Variants in DYNC2H1 observed in about 807,000 individuals in gnomAD.
DYNC2H1 encodes the protein cytoplasmic dynein 2 heavy chain 1.
A neutral mutation model predicts 570.0 loss-of-function variants in DYNC2H1; 410 were observed. That is an observed-to-expected ratio of 0.72 (90% CI 0.66 to 0.78). The LOEUF is 0.78. Ranked by LOEUF, DYNC2H1 falls within the 30% of genes least tolerant of loss-of-function variation. The pLI, the probability that DYNC2H1 is intolerant of heterozygous loss-of-function variation, is 0.00. For synonymous variants in DYNC2H1, 1,688 were observed against 1,677.6 expected, an observed-to-expected ratio of 1.01 and a Z score of -0.15; for missense variants, 4,865 against 5,046.4, an observed-to-expected ratio of 0.96 and a Z score of 1.09.
At chr11:103,113,120 A>G (rs966794466) in intron 1 of DYNC2H1, among the ~76,000 whole-genome samples, 18 of 152,174 alleles carry the variant, frequency 1.2e-4, no homozygotes, top group African/African-American at 3.6e-4. Context: ...GTAATTAATT[A>G]CATTTTGTTA....
intron 82 of DYNC2H1, among the ~76,000 whole-genome samples, chr11:103,339,643 C>T (rs1939340372): frequency 6.6e-6 from 1 of 151,984 alleles, no homozygotes; most frequent in African/African-American, 2.4e-5. Context: ...GGGGGAGAGG[C>T]GATGCATGTA....
rs941214173 is a variant in DYNC2H1 at position 103,241,116 on chromosome 11, A to G, written c.9820-2577A>G. Among the ~76,000 whole-genome samples the G allele has an allele frequency of 5.9e-5, 9 of 152,128 alleles. No individual in the cohort carries two copies. Among genetic ancestry groups the G allele is most frequent in the African/African-American group, 1.9e-4 (8 of 41,430 alleles). ...CTGTTTTCTAGCCATAACTTCACCT[A>G]TCATCCTTCAGTAGCAACTTGTGCA... On this transcript the variant is annotated intron_variant, in intron 63 of 88. Coordinates refer to ENST00000375735, the MANE Select transcript of DYNC2H1 (RefSeq NM_001377.3). This position sits in a 1 kb window ranked among gnomAD's most constrained non-coding sequence, Gnocchi z 5.1.
intron 87 of DYNC2H1, among the ~76,000 whole-genome samples, chr11:103,459,825 G>T (rs35317016): frequency 1.3e-5 from 2 of 150,962 alleles, no homozygotes; most frequent in Admixed American, 1.3e-4. Flanking sequence ...GGTGGCGGGC[G>T]CCTGTAGTCC....
chr11:103,219,061 A>C (rs1461548420), intron 55 of DYNC2H1, among the ~76,000 whole-genome samples: 1 of 152,176 alleles, frequency 6.6e-6, no homozygotes, highest in Non-Finnish European at 1.5e-5. Context: ...GGGCTGTTTA[A>C]GTGTTTAATA....
At chr11:103,127,389 A>G (rs1859055160) in intron 12 of DYNC2H1, among the ~76,000 whole-genome samples, 1 of 152,194 alleles carries the variant, frequency 6.6e-6, no homozygotes, top group Admixed American at 6.5e-5. Flanking sequence ...AGATAGCAGT[A>G]TGGCTAGATT....
In DYNC2H1 at chr11:103,177,671, G is replaced by A. The variant is rs1456096013; in HGVS notation, c.5990G>A (p.Cys1997Tyr). The change falls in exon 38 of 89, where the codon TGT (cysteine) becomes TAT (tyrosine). Residue 1997 changes from cysteine to tyrosine, a missense_variant. By Grantham distance (194) the Cys-to-Tyr change is radical. Around this residue, in one of 5 missense-constraint regions of DYNC2H1, gnomAD observed 231 missense variants for 310.3 expected, o/e 0.74. Transcript: ENST00000375735. The surrounding 1 kb of genome is among the most constrained non-coding windows in gnomAD (Gnocchi z 4.4). The part of the protein sequence containing the change: ...TLWRMLRAAL[C>Y]KTGKVVKQYT... ...TGGAGAATGTTAAGGGCTGCGCTTT[G>A]TAAAACTGGCAAAGTAGTGAAACAA... 1.2e-6 allele frequency: 2 copies of A among 1,613,284 alleles called. No homozygotes were observed. Among genetic ancestry groups the A allele is most frequent in the South Asian group, 1.1e-5 (1 of 90,960 alleles).
Position 103,156,684 on chromosome 11 carries a change from A to G in DYNC2H1, c.4041A>G (p.Arg1347=), listed in dbSNP as rs751691693. 1.9e-6 allele frequency: 3 copies of G among 1,613,248 alleles called. No individual in the cohort carries two copies. The highest frequency in any genetic ancestry group is 2.2e-5 in the East Asian group (1 of 44,864). ...TGCAGAATTTAAATCATATTCAGAGAAAGTGGGTGTATTTGGAACCCATTT... is the reference window on the plus strand; with the variant it reads ...TGCAGAATTTAAATCATATTCAGAGGAAGTGGGTGTATTTGGAACCCATTT... The part of the protein sequence containing the change: ...EYLQNLNHIQ[R]KWVYLEPIFG... Residue 1347 remains arginine, a synonymous_variant, in exon 26 of 89, where the codon AGA becomes AGG. Coordinates refer to ENST00000375735, the MANE Select transcript of DYNC2H1 (RefSeq NM_001377.3).
chr11:103,382,532 T>A (rs1432722489), intron 83 of DYNC2H1, among the ~76,000 whole-genome samples: 1 of 152,224 alleles, frequency 6.6e-6, no homozygotes, highest in African/African-American at 2.4e-5. Flanking sequence ...CCAATTTTAT[T>A]TCCTATTAAT....
At chr11:103,405,371 T>C (rs1037270237) in intron 84 of DYNC2H1, 1 of 151,882 alleles carries the variant, frequency 6.6e-6, no homozygotes, top group African/African-American at 2.4e-5. Context: ...GCTCCTAAAA[T>C]AGAAGAAACA....
intron 81 of DYNC2H1, among the ~76,000 whole-genome samples, chr11:103,323,647 C>T (rs973676019): frequency 6.6e-6 from 1 of 151,828 alleles, no homozygotes; most frequent in Non-Finnish European, 1.5e-5. Context: ...TTCGGAGTCC[C>T]TTTGTATGTG....
At chr11:103,271,475 C>A (rs1865707274) in intron 70 of DYNC2H1, among the ~76,000 whole-genome samples, 1 of 152,094 alleles carries the variant, frequency 6.6e-6, no homozygotes, top group East Asian at 1.9e-4. Flanking sequence ...TTCTTTTATA[C>A]TTTTCATTGA....
At chr11:103,231,032 C>A (rs1357099492) in intron 59 of DYNC2H1, among the ~76,000 whole-genome samples, 1 of 152,102 alleles carries the variant, frequency 6.6e-6, no homozygotes, top group Non-Finnish European at 1.5e-5. Context: ...CAGAAATTTA[C>A]ACGTATGAGT....
At position 103,283,059 on chromosome 11, in the gene DYNC2H1, C is replaced by T. The variant is rs117178504; in HGVS notation, c.10864C>T (p.Arg3622Ter). 5.6e-6 allele frequency: 9 copies of T among 1,607,420 alleles called. No individual in the cohort carries two copies. Among genetic ancestry groups the T allele is most frequent in the African/African-American group, 1.3e-5 (1 of 74,760 alleles). Residue 3622 changes from arginine (R) to a stop codon, truncating the protein, a stop_gained, in exon 73 of 89, where the codon CGA (arginine) becomes TGA (stop). Coordinates refer to ENST00000375735, the MANE Select transcript of DYNC2H1 (RefSeq NM_001377.3). LOFTEE classifies it high-confidence loss of function. ...DQLPSWIDQE[R>*]SWAVATLKIA... Reference sequence around the variant, plus strand: ...GCTTCCGTCTTGGATAGATCAGGAACGAAGCTGGGCCGTGGCAACATTAAA... The same window carrying T: ...GCTTCCGTCTTGGATAGATCAGGAATGAAGCTGGGCCGTGGCAACATTAAA...
chr11:103,267,149 C>T (rs1364715524), intron 70 of DYNC2H1, among the ~76,000 whole-genome samples: 2 of 151,954 alleles, frequency 1.3e-5, no homozygotes, highest in African/African-American at 4.8e-5. Flanking sequence ...TGCATCTTGC[C>T]GGTTCAACTC....
intron 63 of DYNC2H1, among the ~76,000 whole-genome samples, chr11:103,237,682 T>G (rs1297440278): frequency 1.3e-5 from 2 of 152,002 alleles, no homozygotes; most frequent in Middle Eastern, 3.2e-3. Context: ...CCCTAAGGTT[T>G]CATAGCCACA....
intron 13 of DYNC2H1, among the ~76,000 whole-genome samples, chr11:103,132,945 A>C (rs1859352268): frequency 6.6e-6 from 1 of 152,034 alleles, no homozygotes; most frequent in African/African-American, 2.4e-5. Context: ...GTGGGAGCTC[A>C]GCTCCTTGTT....
Position 103,397,759 on chromosome 11 carries a change from G to A in DYNC2H1, c.12157-1904G>A, listed in dbSNP as rs1220185544. ...AAAATACAAAAATTAGCTGGGTGTG[G>A]TGATGGGTGCCTGTATTCCTAGCTA... is the stretch of plus-strand genomic sequence containing the variant. On this transcript the variant is annotated intron_variant, in intron 83 of 88. Transcript: ENST00000375735. 3.9e-5 allele frequency among the ~76,000 whole-genome samples: 6 copies of A among 152,262 alleles called. No homozygotes were observed. The South Asian group carries it at 1.2e-3, about 32-fold the overall frequency.
rs1176727639 is a variant in DYNC2H1, at chr11:103,446,341, GT to G, written c.12457-8844del. Among the ~76,000 whole-genome samples, 17 of 152,238 alleles carry G rather than the reference GT, an allele frequency of 1.1e-4. 1 individual carries two copies. Among genetic ancestry groups the G allele is most frequent in the African/African-American group, 4.1e-4 (17 of 41,554 alleles). On this transcript the variant is annotated intron_variant, in intron 85 of 88. Coordinates refer to ENST00000375735, the MANE Select transcript of DYNC2H1 (RefSeq NM_001377.3). The surrounding 1 kb of genome is among the most constrained non-coding windows in gnomAD (Gnocchi z 4.5). ...ATTAAAACCAAGAAATAGTAGTTAG[GT>G]ATATAGAAGAAAGCCTGGGAGGCTG...
chr11:103,377,469 G>A (rs994580526), intron 83 of DYNC2H1, among the ~76,000 whole-genome samples: 4 of 151,692 alleles, frequency 2.6e-5, no homozygotes, highest in African/African-American at 9.7e-5. Flanking sequence ...TTAGACTATC[G>A]TACATAATAT....
Sources: allele counts gnomAD v4.1 joint callset (sites outside exome capture counted in the v4.1 genomes callset), GRCh38; gene constraint gnomAD v4.1.1; regional missense constraint gnomAD v4.1.1; non-coding constraint Gnocchi (gnomAD v3.1); transcripts MANE v1.5; gene names NCBI Gene and HGNC (gene_info 2026-07-23, HGNC 2026-07-21).